The following PIP5K1B variants were observed in gnomAD, a reference collection of about 807,000 sequenced individuals.
The protein encoded by PIP5K1B is phosphatidylinositol 4-phosphate 5-kinase type-1 beta.
PIP5K1B carries 42 observed loss-of-function variants against 67.0 expected under a neutral mutation model. The ratio of observed to expected loss-of-function variants is 0.63; its 90% CI spans 0.49 to 0.81. The LOEUF is 0.81. Among genes scored for constraint, PIP5K1B ranks in the 30% least tolerant of loss-of-function variants. PIP5K1B has a pLI of 0.00. For missense variants in PIP5K1B, 459 were observed against 646.3 expected (o/e 0.71, Z 3.14); for synonymous variants, 214 against 231.4 (o/e 0.92, Z 0.68).
intron 4 of PIP5K1B, among the ~76,000 whole-genome samples, chr9:68,861,215 A>G (rs537621400): frequency 1.3e-5 from 2 of 152,272 alleles, no homozygotes; most frequent in Non-Finnish European, 2.9e-5. Flanking sequence ...AACTAAATAT[A>G]TAACAGCAGG....
At chr9:68,973,623 G>A (rs1027120295) in intron 14 of PIP5K1B, among the ~76,000 whole-genome samples, 1 of 152,190 alleles carries the variant, frequency 6.6e-6, no homozygotes, top group Non-Finnish European at 1.5e-5. Flanking sequence ...CGTATTTGTG[G>A]TTCTTAACCA....
At chr9:68,796,071 A>G (rs2132516446) in intron 2 of PIP5K1B, among the ~76,000 whole-genome samples, 1 of 152,350 alleles carries the variant, frequency 6.6e-6, no homozygotes, top group South Asian at 2.1e-4. Flanking sequence ...TTTGCACTTC[A>G]TGTATATTGT....
chr9:68,900,754 T>G (rs1825317533), intron 8 of PIP5K1B, among the ~76,000 whole-genome samples: 1 of 152,174 alleles, frequency 6.6e-6, no homozygotes, highest in South Asian at 2.1e-4. Context: ...GTGGAACCAA[T>G]TTTCTTTTTT....
At chr9:68,829,821 C>T (rs1395356891) in intron 4 of PIP5K1B, among the ~76,000 whole-genome samples, 2 of 152,164 alleles carry the variant, frequency 1.3e-5, no homozygotes, top group African/African-American at 2.4e-5. Flanking sequence ...TGAGCAAATA[C>T]TGGGAAAAGT....
At chr9:68,724,957 T>C (rs1828081411) in intron 1 of PIP5K1B, among the ~76,000 whole-genome samples, 1 of 152,178 alleles carries the variant, frequency 6.6e-6, no homozygotes, top group South Asian at 2.1e-4. Context: ...AAACTAAAAG[T>C]GCCTGCTTAA....
At chr9:68,774,524 AT>A (rs1367664600) in intron 2 of PIP5K1B, among the ~76,000 whole-genome samples, 1 of 152,212 alleles carries the variant, frequency 6.6e-6, no homozygotes, top group Non-Finnish European at 1.5e-5. Context: ...TATCAACAAC[AT>A]TTTAAGATCT....
intron 8 of PIP5K1B, among the ~76,000 whole-genome samples, chr9:68,896,204 G>A (rs1337445486): frequency 1.3e-5 from 2 of 152,174 alleles, no homozygotes; most frequent in Non-Finnish European, 2.9e-5. Flanking sequence ...TTTACAGGAT[G>A]TGGGTAAAAA....
chr9:68,952,381 A>G (rs765707182), intron 14 of PIP5K1B, among the ~76,000 whole-genome samples: 1 of 152,164 alleles, frequency 6.6e-6, no homozygotes, highest in Non-Finnish European at 1.5e-5. Flanking sequence ...CTGATGTACA[A>G]ATGTTACTTT....
chr9:68,714,778 T>C (rs1007329038), intron 1 of PIP5K1B, among the ~76,000 whole-genome samples: 1 of 152,178 alleles, frequency 6.6e-6, no homozygotes, highest in Non-Finnish European at 1.5e-5. Flanking sequence ...TCAACTACTT[T>C]TAAAGGAACA....
chr9:68,809,733 G>A (rs908400034), intron 2 of PIP5K1B, among the ~76,000 whole-genome samples: 18 of 152,150 alleles, frequency 1.2e-4, no homozygotes, highest in Non-Finnish European at 2.1e-4. Context: ...TATGTCCCCA[G>A]CAAACGGCTC....
intron 6 of PIP5K1B, among the ~76,000 whole-genome samples, chr9:68,879,955 G>A (rs1187459422): frequency 6.6e-6 from 1 of 152,116 alleles, no homozygotes; most frequent in Non-Finnish European, 1.5e-5. Flanking sequence ...TACCATAAAA[G>A]TATACAATTT....
Position 68,912,293 on chromosome 9 carries a change from A to AT in PIP5K1B, c.772-5246dup, listed in dbSNP as rs767253573. Among the ~76,000 whole-genome samples the AT allele has an allele frequency of 5.6e-3, 844 of 151,864 alleles. 5 individuals are homozygous for AT. The highest frequency in any genetic ancestry group is 0.018 in the African/African-American group (757 of 41,420). On this transcript the variant is annotated intron_variant, in intron 8 of 15. Transcript: ENST00000265382. ...CTTCCACAGTGCGTGGCACTCAAAC[A>AT]TTTTTTTTTCCAACAAAAGAGTCAA...
Position 68,991,207 on chromosome 9 carries a change from A to C in PIP5K1B, c.1570A>C (p.Asn524His). 1.2e-6 allele frequency: 2 copies of C among 1,612,474 alleles called. No homozygotes were observed. The highest frequency in any genetic ancestry group is 1.7e-6 in the Non-Finnish European group (2 of 1,178,466). The change falls in exon 15 of 16, where the codon AAC (asparagine) becomes CAC (histidine). Residue 524 changes from asparagine (N) to histidine (H), a missense_variant. Transcript: ENST00000265382. ...EGTIYLTAEP[N>H]TLEVQDDNAS... is the part of the protein sequence containing the mutation. ...GACCATCTACTTGACCGCTGAGCCC[A>C]ACACTCTGGAAGTGCAGGATGACAA...
chr9:68,890,752 T>C (rs1824742106), intron 7 of PIP5K1B, among the ~76,000 whole-genome samples: 1 of 151,730 alleles, frequency 6.6e-6, no homozygotes, highest in African/African-American at 2.4e-5. Flanking sequence ...TACTAAAATA[T>C]GGTGTATATG....
At chr9:68,894,786 C>T in intron 8 of PIP5K1B, 148 bp downstream of exon 8, 1 of 724,596 alleles carries the variant, frequency 1.4e-6, no homozygotes, top group East Asian at 2.7e-5. Flanking sequence ...CTGAGCCATG[C>T]TTCCCTGATA....
chr9:68,922,226 AGGCCGAGGAG>A (rs1440767028), intron 11 of PIP5K1B, among the ~76,000 whole-genome samples: 3 of 152,158 alleles, frequency 2.0e-5, no homozygotes, highest in Admixed American at 1.3e-4. Flanking sequence ...GCATTTTGGG[AGGCCGAGGAG>A]GGCAGATCAC....
intron 6 of PIP5K1B, among the ~76,000 whole-genome samples, chr9:68,877,048 AATT>A (rs1318168471): frequency 2.0e-5 from 3 of 152,222 alleles, no homozygotes; most frequent in Non-Finnish European, 4.4e-5. Flanking sequence ...GACTTCAGAT[AATT>A]ATTCTAACAG....
At chr9:68,861,054 A>C (rs1823036580) in intron 4 of PIP5K1B, among the ~76,000 whole-genome samples, 2 of 152,250 alleles carry the variant, frequency 1.3e-5, no homozygotes, top group African/African-American at 4.8e-5. Context: ...GATTATGATC[A>C]TAATTGTTAT....
rs567476505 is a variant in PIP5K1B, at chr9:68,878,616, G to C, written c.318+1822G>C. 6.6e-5 allele frequency among the ~76,000 whole-genome samples: 10 copies of C among 152,230 alleles called. No individual in the cohort carries two copies. The East Asian group carries it at 1.9e-3, about 29-fold the overall frequency. ...ACACCAATTATATCTAAAATGCTTT[G>C]CTCATAGTTGTAGGGAAATTCAAAA... On this transcript the variant is annotated intron_variant, in intron 6 of 15. Coordinates refer to ENST00000265382, the MANE Select transcript of PIP5K1B (RefSeq NM_003558.4).
Sources: allele counts gnomAD v4.1 joint callset (sites outside exome capture counted in the v4.1 genomes callset), GRCh38; gene constraint gnomAD v4.1.1; transcripts MANE v1.5; gene names NCBI Gene and HGNC (gene_info 2026-07-23, HGNC 2026-07-21).